The following KCNIP1 variants were observed in gnomAD, a reference collection of about 807,000 sequenced individuals.
KCNIP1 encodes the protein A-type potassium channel modulatory protein KCNIP1.
KCNIP1 carries 18 observed loss-of-function variants against 33.0 expected under a neutral mutation model. The observed-to-expected ratio is 0.55, with a 90% CI of 0.38 to 0.81. The LOEUF is 0.81. Among genes scored for constraint, KCNIP1 ranks in the 30% least tolerant of loss-of-function variants. The pLI, the probability that KCNIP1 is intolerant of heterozygous loss-of-function variation, is 0.00. For synonymous variants in KCNIP1, 93 were observed against 98.3 expected, an observed-to-expected ratio of 0.95 and a Z score of 0.32; for missense variants, 238 against 271.6, an observed-to-expected ratio of 0.88 and a Z score of 0.87.
At chr5:170,576,381 A>C (rs1009061156) in intron 1 of KCNIP1, among the ~76,000 whole-genome samples, 2 of 152,236 alleles carry the variant, frequency 1.3e-5, no homozygotes, top group African/African-American at 4.8e-5. Flanking sequence ...GAGGTCACAT[A>C]GTGTAACCTC....
At chr5:170,606,054 C>T (rs2113602270) in intron 1 of KCNIP1, among the ~76,000 whole-genome samples, 1 of 152,272 alleles carries the variant, frequency 6.6e-6, no homozygotes, top group Admixed American at 6.5e-5. Flanking sequence ...GGATTACAGG[C>T]GTGAGCCACC....
chr5:170,399,273 T>C (rs1754835656), intron 1 of KCNIP1, among the ~76,000 whole-genome samples: 1 of 152,240 alleles, frequency 6.6e-6, no homozygotes, highest in Non-Finnish European at 1.5e-5. Context: ...CCATAAATAT[T>C]ACATAATTAT....
At chr5:170,393,751 G>C (rs1754679529) in intron 1 of KCNIP1, among the ~76,000 whole-genome samples, 1 of 152,004 alleles carries the variant, frequency 6.6e-6, no homozygotes, top group South Asian at 2.1e-4. Flanking sequence ...GTTCCCTGCT[G>C]TGTAGGGTGA....
chr5:170,612,352 G>A lies in KCNIP1; in HGVS notation c.62-106406G>A, dbSNP rs1759195464. Among the ~76,000 whole-genome samples the A allele has an allele frequency of 3.3e-5, 5 of 152,230 alleles. No individual in the cohort carries two copies. In the South Asian group the frequency reaches 8.3e-4, roughly 25 times the overall value. On this transcript the variant is annotated intron_variant, in intron 1 of 7. Coordinates refer to ENST00000328939, the MANE Select transcript of KCNIP1 (RefSeq NM_014592.4). ...CAAGCTCTCAGCAGGCCCCTGCTGG[G>A]CACAGCACAGAGAAATTAAGTGCAA... is the stretch of plus-strand genomic sequence containing the variant.
chr5:170,369,323 G>A (rs1006279541), intron 1 of KCNIP1, among the ~76,000 whole-genome samples: 7 of 152,212 alleles, frequency 4.6e-5, no homozygotes, highest in South Asian at 2.1e-4. Flanking sequence ...AGGGCTTGGC[G>A]AAGAGTGCCA....
At chr5:170,645,402 T>A (rs534115824) in intron 1 of KCNIP1, among the ~76,000 whole-genome samples, 1 of 152,280 alleles carries the variant, frequency 6.6e-6, no homozygotes, top group Admixed American at 6.5e-5. Flanking sequence ...AACAAAGGTG[T>A]CAATACTCCA....
chr5:170,716,069 G>A (rs1327555020), intron 1 of KCNIP1, among the ~76,000 whole-genome samples: 3 of 152,136 alleles, frequency 2.0e-5, no homozygotes, highest in Non-Finnish European at 4.4e-5. Context: ...TGTCTACAGC[G>A]GCCAGCACCA....
Position 170,378,626 on chromosome 5 carries a change from G to A in KCNIP1, c.88+24662G>A, listed in dbSNP as rs2656842. On this transcript the variant is annotated intron_variant, in intron 1 of 7. Coordinates refer to the KCNIP1 transcript ENST00000377360. ...GGAGGGCAGGTGGAGAAGGCATTGT[G>A]CTGCAAGTGGGGAGCAGCCCTGGGG... The A allele has an allele frequency of 2.8e-5, 41 of 1,438,790 alleles. No individual in the cohort carries two copies. The South Asian group carries it at 5.6e-4, about 20-fold the overall frequency. The allele number at this position is 1,438,790 out of a possible 1,614,324, so 89.1% of individuals were successfully genotyped here. A position where few individuals can be genotyped will look rare whatever the true frequency, so the allele number is the denominator to read the frequency against.
At chr5:170,630,217 T>C (rs1227479823) in intron 1 of KCNIP1, among the ~76,000 whole-genome samples, 1 of 152,262 alleles carries the variant, frequency 6.6e-6, no homozygotes, top group Non-Finnish European at 1.5e-5. Flanking sequence ...ATACAGGACC[T>C]GATATGTTAT....
At chr5:170,613,790 A>G (rs1759269871) in intron 1 of KCNIP1, among the ~76,000 whole-genome samples, 1 of 152,222 alleles carries the variant, frequency 6.6e-6, no homozygotes, top group Non-Finnish European at 1.5e-5. Flanking sequence ...ACCACGAAGG[A>G]TGACAAAGAG....
chr5:170,580,583 G>C (rs185291230), intron 1 of KCNIP1, among the ~76,000 whole-genome samples: 3 of 152,284 alleles, frequency 2.0e-5, no homozygotes, highest in Admixed American at 2.0e-4. Context: ...GTCATGTTCA[G>C]GTTGGCTATC....
At chr5:170,601,117 C>T (rs979189549) in intron 1 of KCNIP1, among the ~76,000 whole-genome samples, 7 of 152,216 alleles carry the variant, frequency 4.6e-5, no homozygotes, top group African/African-American at 9.6e-5. Context: ...ACACCTGCGT[C>T]GCTTCCCTCT....
intron 1 of KCNIP1, among the ~76,000 whole-genome samples, chr5:170,425,793 T>C (rs1475711539): frequency 6.6e-6 from 1 of 152,202 alleles, no homozygotes; most frequent in Non-Finnish European, 1.5e-5. Context: ...TAGCAAGATC[T>C]GGAAGGCAGG....
chr5:170,393,746 C>A (rs35577150), intron 1 of KCNIP1, among the ~76,000 whole-genome samples: 15,822 of 152,054 alleles, frequency 0.1, 965 homozygotes, highest in South Asian at 0.17. Flanking sequence ...AAGTTGTTCC[C>A]TGCTGTGTAG....
chr5:170,695,198 T>C (rs1024644209), intron 1 of KCNIP1, among the ~76,000 whole-genome samples: 2 of 152,206 alleles, frequency 1.3e-5, no homozygotes, highest in Non-Finnish European at 2.9e-5. Context: ...AGTCTGGTGG[T>C]TTCTCTCTGT....
chr5:170,457,344 A>G (rs574189120), intron 1 of KCNIP1, among the ~76,000 whole-genome samples: 1 of 152,352 alleles, frequency 6.6e-6, no homozygotes, highest in African/African-American at 2.4e-5. Context: ...CATGTCAGGA[A>G]GAGTACGGAG....
At chr5:170,513,630 A>G (rs558871246) in intron 1 of KCNIP1, among the ~76,000 whole-genome samples, 3 of 152,374 alleles carry the variant, frequency 2.0e-5, no homozygotes, top group Admixed American at 6.5e-5. Flanking sequence ...AGTTGCTTCT[A>G]AGAACATGGG....
chr5:170,505,050 C>G (rs1379330808), intron 1 of KCNIP1, among the ~76,000 whole-genome samples: 1 of 152,152 alleles, frequency 6.6e-6, no homozygotes, highest in Non-Finnish European at 1.5e-5. Context: ...GCGGCTATGC[C>G]AGGTGCAGAC....
Position 170,387,822 on chromosome 5 carries a change from C to T in KCNIP1, c.88+33858C>T, listed in dbSNP as rs142218216. ...GGAGGTAAGCTAAAAGCCCCAACAGCCTGCTTCCCCAGGACCTGCAAGGGT... is the reference window on the plus strand; with the variant it reads ...GGAGGTAAGCTAAAAGCCCCAACAGTCTGCTTCCCCAGGACCTGCAAGGGT... On this transcript the variant is annotated intron_variant, in intron 1 of 7. Transcript: ENST00000377360. 1.2e-3 allele frequency among the ~76,000 whole-genome samples: 177 copies of T among 152,358 alleles called. 3 individuals carry two copies. The highest frequency in any genetic ancestry group is 9.8e-3 in the East Asian group (51 of 5,186).
Sources: allele counts gnomAD v4.1 joint callset (sites outside exome capture counted in the v4.1 genomes callset), GRCh38; gene constraint gnomAD v4.1.1; transcripts MANE v1.5; gene names NCBI Gene and HGNC (gene_info 2026-07-23, HGNC 2026-07-21).